PSMF1: variants seen among roughly 807,000 people sequenced by gnomAD.
PSMF1 encodes the protein proteasome inhibitor subunit 1, also known as proteasome inhibitor PI31 subunit.
Under a neutral mutation model 29.3 loss-of-function variants are expected in PSMF1, and 30 were observed. The observed-to-expected ratio is 1.02, with a 90% CI of 0.77 to 1.39. The LOEUF (loss-of-function observed/expected upper bound fraction) is 1.39, where lower values mean the gene tolerates loss of function less well. PSMF1 is among the 40% of genes most tolerant of loss of function. The pLI, the probability that PSMF1 is intolerant of heterozygous loss-of-function variation, is 0.00. For missense variants in PSMF1, 344 were observed against 357.5 expected (o/e 0.96, Z 0.31); for synonymous variants, 134 against 139.7 (o/e 0.96, Z 0.29).
At chr20:1,117,631 G>A (rs1310467274), upstream of PSMF1, among the ~76,000 whole-genome samples, 2 of 152,150 alleles carry the variant, frequency 1.3e-5, no homozygotes, top group Non-Finnish European at 2.9e-5. Flanking sequence ...GGCATGAGCC[G>A]CCACACCTGG....
rs115462431 is a variant in PSMF1, at chr20:1,132,707, A to T, written c.366-2414A>T. ...AATTGACATTCTTGCTATGAACATG[A>T]TATATCTTATCTCTCCATTTATTAA... On this transcript the variant is annotated intron_variant, in intron 3 of 6. Coordinates refer to ENST00000335877, the MANE Select transcript of PSMF1 (RefSeq NM_006814.5). 4.3e-3 allele frequency among the ~76,000 whole-genome samples: 653 copies of T among 152,244 alleles called. 6 individuals are homozygous for T. Among genetic ancestry groups the T allele is most frequent in the African/African-American group, 0.015 (620 of 41,542 alleles).
intron 4 of PSMF1, among the ~76,000 whole-genome samples, chr20:1,159,352 G>A (rs2086637411): frequency 6.6e-6 from 1 of 151,952 alleles, no homozygotes; most frequent in South Asian, 2.1e-4. Context: ...TTAGAGACAT[G>A]GTTTTGCTAT....
At chr20:1,130,940 A>T (rs2086220579) in intron 3 of PSMF1, among the ~76,000 whole-genome samples, 1 of 152,178 alleles carries the variant, frequency 6.6e-6, no homozygotes, top group South Asian at 2.1e-4. Flanking sequence ...CTTGCCTGTG[A>T]TCTCCTTGAG....
At chr20:1,128,281 T>G (rs2086185652) in intron 3 of PSMF1, among the ~76,000 whole-genome samples, 2 of 152,238 alleles carry the variant, frequency 1.3e-5, no homozygotes, top group African/African-American at 4.8e-5. Flanking sequence ...CAGATAGAGC[T>G]AGGAAAATTT....
chr20:1,132,046 T>G (rs917316621), intron 3 of PSMF1, among the ~76,000 whole-genome samples: 3 of 152,216 alleles, frequency 2.0e-5, no homozygotes, highest in African/African-American at 7.2e-5. Flanking sequence ...CTTTTGAAAC[T>G]TTGTCAAAAA....
intron 1 of PSMF1, among the ~76,000 whole-genome samples, chr20:1,120,487 CAG>C (rs2086072879): frequency 6.6e-6 from 1 of 152,184 alleles, no homozygotes; most frequent in Non-Finnish European, 1.5e-5. Flanking sequence ...CAGGTAGAGA[CAG>C]CACCCCCATT....
intron 4 of PSMF1, among the ~76,000 whole-genome samples, chr20:1,150,112 G>A (rs1263081584): frequency 1.3e-5 from 2 of 151,790 alleles, no homozygotes; most frequent in Non-Finnish European, 2.9e-5. Context: ...CCCAGGAGGT[G>A]GAGGTTGTGG....
rs779176765 is a variant in PSMF1 at position 1,127,428 on chromosome 20, A to G, written c.285A>G (p.Glu95=). 1.9e-6 allele frequency: 3 copies of G among 1,596,558 alleles called. No individual in the cohort carries two copies. The highest frequency in any genetic ancestry group is 1.1e-5 in the South Asian group (1 of 90,714). Residue 95 remains glutamate, a splice_region_variant and synonymous_variant, in exon 3 of 7, where the codon GAA becomes GAG. Coordinates refer to ENST00000335877, the MANE Select transcript of PSMF1 (RefSeq NM_006814.5). ...ACTTTCTATTTTCACCCATCTAGGA[A>G]TATGGCTCACAGCAAGTGGCAGACT... ...VESSMILNVL[E]YGSQQVADLT...
intron 3 of PSMF1, 147 bp downstream of exon 3, chr20:1,127,655 CT>C: frequency 1.4e-6 from 1 of 690,514 alleles, no homozygotes; most frequent in Non-Finnish European, 2.5e-6. Flanking sequence ...ATTTTCTTTT[CT>C]GTTTTTTATG....
At chr20:1,116,809 G>A (rs745456734), upstream of PSMF1, among the ~76,000 whole-genome samples, 10 of 152,064 alleles carry the variant, frequency 6.6e-5, no homozygotes, top group South Asian at 2.1e-4. Flanking sequence ...GATTAAAGAC[G>A]GGAGAAGGTT....
intron 4 of PSMF1, among the ~76,000 whole-genome samples, chr20:1,154,362 G>C (rs548649299): frequency 1.4e-4 from 22 of 152,166 alleles, no homozygotes; most frequent in Admixed American, 6.5e-4. Flanking sequence ...ACCCTTCTCA[G>C]TCCCTGGTTC....
chr20:1,145,742 G>T (rs149856118), intron 4 of PSMF1, among the ~76,000 whole-genome samples: 1 of 152,294 alleles, frequency 6.6e-6, no homozygotes, highest in Non-Finnish European at 1.5e-5. Context: ...GGTCTGAGGA[G>T]GCTTTGGGGA....
intron 1 of PSMF1, among the ~76,000 whole-genome samples, chr20:1,124,757 A>G (rs1156630167): frequency 6.6e-6 from 1 of 152,264 alleles, no homozygotes; most frequent in Non-Finnish European, 1.5e-5. Flanking sequence ...TCCAAAAACT[A>G]TCAAATAAAA....
intron 4 of PSMF1, among the ~76,000 whole-genome samples, chr20:1,147,176 T>TCACCAC (rs3034799): frequency 0.15 from 19,827 of 132,270 alleles, 1,597 homozygotes; most frequent in Admixed American, 0.21. Flanking sequence ...ATCATCATCA[T>TCACCAC]CACCACCCTG....
At chr20:1,156,484 T>C (rs2086595914) in intron 4 of PSMF1, among the ~76,000 whole-genome samples, 1 of 152,002 alleles carries the variant, frequency 6.6e-6, no homozygotes, top group African/African-American at 2.4e-5. Flanking sequence ...GCTGAAAAGA[T>C]TAAAAAAGAA....
At chr20:1,140,403 A>C (rs1258419454) in intron 4 of PSMF1, among the ~76,000 whole-genome samples, 8 of 152,202 alleles carry the variant, frequency 5.3e-5, no homozygotes, top group Non-Finnish European at 8.8e-5. Context: ...TACATGCAAA[A>C]GAATGAAGTT....
intron 4 of PSMF1, among the ~76,000 whole-genome samples, chr20:1,155,034 A>G (rs1050971307): frequency 6.6e-6 from 1 of 152,218 alleles, no homozygotes; most frequent in Non-Finnish European, 1.5e-5. Flanking sequence ...GAGTAAAGCT[A>G]TTTGAGAATA....
At chr20:1,125,965 A>G (rs1299422326) in intron 2 of PSMF1, 1 of 497,434 alleles carries the variant, frequency 2.0e-6, no homozygotes, top group Admixed American at 2.3e-5. Flanking sequence ...AGTTCCTTAA[A>G]TAAATTGAAT....
chr20:1,165,974 G>C lies in PSMF1; in HGVS notation c.*894G>C. The C allele has an allele frequency of 7.2e-7, 1 of 1,392,746 alleles. No homozygotes were observed. The highest frequency in any genetic ancestry group is 1.6e-5 in the South Asian group (1 of 61,010). 86.3% of individuals were successfully genotyped at this position (1,392,746 alleles called of 1,614,324 possible). A position where few individuals can be genotyped will look rare whatever the true frequency, so the allele number is the denominator to read the frequency against. On this transcript the variant is annotated 3_prime_UTR_variant, in exon 7 of 7. Coordinates refer to ENST00000335877, the MANE Select transcript of PSMF1 (RefSeq NM_006814.5). ...TGGCTTTCCTGCTCTAAAGCATTTT[G>C]ATGTCTCATTCTGTGTTTGGTAACC...
Sources: allele counts gnomAD v4.1 joint callset (sites outside exome capture counted in the v4.1 genomes callset), GRCh38; gene constraint gnomAD v4.1.1; transcripts MANE v1.5; gene names NCBI Gene and HGNC (gene_info 2026-07-23, HGNC 2026-07-21).